Variants in SPATA22 observed in about 807,000 individuals in gnomAD.
SPATA22 encodes the protein spermatogenesis-associated protein 22.
A neutral mutation model predicts 47.8 loss-of-function variants in SPATA22; 29 were observed. The ratio of observed to expected loss-of-function variants is 0.61; its 90% CI spans 0.45 to 0.83. SPATA22 has a LOEUF of 0.83. Among genes scored for constraint, SPATA22 ranks in the 40% least tolerant of loss-of-function variants. The probability of loss-of-function intolerance (pLI) is 0.00; values close to 1 mark genes in which losing one functional copy is unlikely to be tolerated. For synonymous variants in SPATA22, 133 were observed against 140.9 expected, an observed-to-expected ratio of 0.94 and a Z score of 0.40; for missense variants, 410 against 421.7, an observed-to-expected ratio of 0.97 and a Z score of 0.24.
intron 1 of SPATA22, among the ~76,000 whole-genome samples, chr17:3,491,005 C>A (rs6502728): frequency 0.79 from 119,524 of 152,126 alleles, 47,710 homozygotes; most frequent in Middle Eastern, 0.88. Context: ...CTCCTATCCA[C>A]AGAATGCTGA....
At chr17:3,467,094 T>C (rs1439623188) in intron 3 of SPATA22, among the ~76,000 whole-genome samples, 2 of 152,214 alleles carry the variant, frequency 1.3e-5, no homozygotes, top group Non-Finnish European at 2.9e-5. Flanking sequence ...AATTCAAGTG[T>C]TTCCATTCTT....
chr17:3,513,076 T>C (rs548484005), intron 1 of SPATA22: 4 of 152,634 alleles, frequency 2.6e-5, no homozygotes, highest in Admixed American at 1.3e-4. Flanking sequence ...TGCAGACTTT[T>C]GTGTGTGTGA....
intron 1 of SPATA22, chr17:3,483,540 G>A: frequency 1.2e-6 from 2 of 1,614,102 alleles, no homozygotes; most frequent in African/African-American, 1.3e-5. Flanking sequence ...ATCTGATTGA[G>A]CATCCTTCCC....
At chr17:3,496,395 A>G (rs955848512) in intron 1 of SPATA22, among the ~76,000 whole-genome samples, 1 of 152,236 alleles carries the variant, frequency 6.6e-6, no homozygotes. Context: ...AAGGGTTCCA[A>G]TTAGACGGAG....
At chr17:3,460,814 A>AAG (rs1555535972) in intron 5 of SPATA22, among the ~76,000 whole-genome samples, 2,539 of 139,838 alleles carry the variant, frequency 0.018, 95 homozygotes, top group East Asian at 0.097. Flanking sequence ...AAAAAAAAAA[A>AAG]GATTAAAAAT....
chr17:3,492,522 A>G (rs1171715842), intron 1 of SPATA22, among the ~76,000 whole-genome samples: 1 of 152,092 alleles, frequency 6.6e-6, no homozygotes, highest in East Asian at 1.9e-4. Context: ...TTCTGTTCAG[A>G]GATAGAGTCT....
At chr17:3,441,221 A>T (rs1266964908) in intron 8 of SPATA22, 2 of 152,088 alleles carry the variant, frequency 1.3e-5, no homozygotes, top group African/African-American at 4.8e-5. Flanking sequence ...AGCCATCATC[A>T]AGTGGGAAAA....
intron 1 of SPATA22, among the ~76,000 whole-genome samples, chr17:3,470,582 T>C (rs2073406330): frequency 6.6e-6 from 1 of 151,708 alleles, no homozygotes; most frequent in Non-Finnish European, 1.5e-5. Flanking sequence ...ACCCCGTCTC[T>C]ACTAAAAAAT....
chr17:3,497,274 T>G (rs2073924803), intron 1 of SPATA22, among the ~76,000 whole-genome samples: 1 of 152,086 alleles, frequency 6.6e-6, no homozygotes, highest in Admixed American at 6.6e-5. Context: ...GGGGCAAGTC[T>G]CTGCCTGAAA....
In SPATA22 at chr17:3,471,583, C is replaced by G. The variant is rs1344522120; in HGVS notation, c.-74+99G>C. 5.1e-6 allele frequency: 5 copies of G among 984,940 alleles called. No individual in the cohort carries two copies. In the African/African-American group the frequency reaches 5.3e-5, roughly 10 times the overall value. The allele number at this position is 984,940 out of a possible 1,614,324, so 61.0% of individuals were successfully genotyped here. A position where few individuals can be genotyped will look rare whatever the true frequency, so the allele number is the denominator to read the frequency against. On this transcript the variant is annotated intron_variant, in intron 1 of 8. Coordinates refer to ENST00000572969, the MANE Select transcript of SPATA22 (RefSeq NM_001170698.2). ...ATGGCGGCCTGTTTTGGCTCCTGAC[C>G]GCGGTGGGAGAGAAGAGGCTCCAGT...
At chr17:3,451,846 C>G (rs1189179502) in intron 5 of SPATA22, among the ~76,000 whole-genome samples, 2 of 151,264 alleles carry the variant, frequency 1.3e-5, no homozygotes, top group East Asian at 3.9e-4. Flanking sequence ...ACTTGGGAGG[C>G]TGAGGCAGAA....
intron 5 of SPATA22, among the ~76,000 whole-genome samples, chr17:3,457,804 C>G (rs942748601): frequency 6.6e-6 from 1 of 152,152 alleles, no homozygotes; most frequent in South Asian, 2.1e-4. Context: ...CACCTTACAC[C>G]ATATACAAAA....
chr17:3,488,437 AC>A lies in SPATA22; in HGVS notation c.-73-19040del, dbSNP rs1401782485. Among the ~76,000 whole-genome samples, 45 of 152,282 alleles carry A rather than the reference AC, an allele frequency of 3.0e-4. No individual in the cohort carries two copies. The highest frequency in any genetic ancestry group is 1.1e-3 in the African/African-American group (44 of 41,546). ...TTGGGGAAGCCGAGAAGGGCAGATT[AC>A]CTGCGGTCAGGAGTTTGAGACCAGC... is the stretch of plus-strand genomic sequence containing the variant. On this transcript the variant is annotated intron_variant, in intron 1 of 8. Coordinates refer to the SPATA22 transcript ENST00000541913. The surrounding 1 kb of genome is among the most constrained non-coding windows in gnomAD (Gnocchi z 6.1).
chr17:3,468,972 CAAGT>C (rs1320208330), intron 2 of SPATA22: 6 of 390,766 alleles, frequency 1.5e-5, no homozygotes, highest in African/African-American at 2.1e-5. Context: ...ATATTTTTAA[CAAGT>C]AAGTCACAAA....
At chr17:3,453,801 C>CA (rs2072918387) in intron 5 of SPATA22, among the ~76,000 whole-genome samples, 1 of 151,916 alleles carries the variant, frequency 6.6e-6, no homozygotes, top group Non-Finnish European at 1.5e-5. Context: ...TTCCAAACTA[C>CA]AAAAAAATCT....
At chr17:3,458,316 A>G (rs2073042416) in intron 5 of SPATA22, among the ~76,000 whole-genome samples, 1 of 152,202 alleles carries the variant, frequency 6.6e-6, no homozygotes, top group Non-Finnish European at 1.5e-5. Context: ...CAAAAATTCA[A>G]AAGATAACAA....
chr17:3,511,949 T>C lies in SPATA22; in HGVS notation c.-74+1463A>G, dbSNP rs1250351429. The C allele has an allele frequency of 1.3e-5, 2 of 152,186 alleles. No homozygotes were observed. Among genetic ancestry groups the C allele is most frequent in the African/African-American group, 4.8e-5 (2 of 41,450 alleles). The allele number at this position is 152,186 out of a possible 1,614,324, so 9.4% of individuals were successfully genotyped here. ...CAAACCACTTCCTTTCAGACCAAGA[T>C]GTCTGTTCAGGCTTAATGCGGGTAG... On this transcript the variant is annotated intron_variant, in intron 1 of 8. Coordinates refer to the SPATA22 transcript ENST00000541913.
chr17:3,477,755 CT>C (rs1238882580), intron 1 of SPATA22, among the ~76,000 whole-genome samples: 5 of 152,038 alleles, frequency 3.3e-5, no homozygotes, highest in Admixed American at 6.6e-5. Flanking sequence ...CGCTGGGCCG[CT>C]TTTTTTCTTT....
At chr17:3,486,608 T>C (rs535017728) in intron 1 of SPATA22, among the ~76,000 whole-genome samples, 1 of 152,324 alleles carries the variant, frequency 6.6e-6, no homozygotes, top group East Asian at 1.9e-4. Context: ...ATTCTCTTTC[T>C]TGAGCGCCTC....
Sources: gnomAD v4.1 joint callset for allele counts (sites outside exome capture counted in the v4.1 genomes callset) on GRCh38, gnomAD v4.1.1 for gene constraint, Gnocchi (gnomAD v3.1) non-coding constraint, MANE v1.5 for transcripts, NCBI Gene and HGNC (gene_info 2026-07-23, HGNC 2026-07-21) for gene names.